FSIP1: variants seen among roughly 807,000 people sequenced by gnomAD.
The protein encoded by FSIP1 is fibrous sheath interacting protein 1.
In FSIP1, 65 loss-of-function variants were observed where a neutral mutation model predicts 60.9. That is an observed-to-expected ratio of 1.07 (90% confidence interval 0.87 to 1.31). FSIP1 has a LOEUF of 1.31. Among genes scored for constraint, FSIP1 ranks in the 40% most tolerant of loss-of-function variants. The pLI is 0.00. For synonymous variants in FSIP1, 209 were observed against 221.2 expected, an observed-to-expected ratio of 0.94 and a Z score of 0.49; for missense variants, 675 against 665.5, an observed-to-expected ratio of 1.01 and a Z score of -0.16.
intron 10 of FSIP1, among the ~76,000 whole-genome samples, chr15:39,698,785 C>G (rs1356312089): frequency 6.6e-6 from 1 of 152,152 alleles, no homozygotes; most frequent in Non-Finnish European, 1.5e-5. Context: ...TCATTCATTC[C>G]CTGAATTCTC....
intron 3 of FSIP1, among the ~76,000 whole-genome samples, chr15:39,766,198 G>C (rs1897682235): frequency 6.6e-6 from 1 of 152,172 alleles, no homozygotes; most frequent in South Asian, 2.1e-4. Flanking sequence ...AAAGCCGTAA[G>C]TCTTCAGTGA....
At chr15:39,611,827 A>G (rs963479395) in intron 11 of FSIP1, among the ~76,000 whole-genome samples, 3 of 152,224 alleles carry the variant, frequency 2.0e-5, no homozygotes, top group Admixed American at 2.0e-4. Flanking sequence ...TGGAAAAGTT[A>G]CTCCATGCAA....
intron 4 of FSIP1, 117 bp from the exon 5 acceptor site, chr15:39,764,031 AT>A (rs199579137): frequency 0.024 from 10,842 of 454,548 alleles, 1 homozygote; most frequent in South Asian, 0.037. Context: ...GTCTCAGGCT[AT>A]TTTTTTTTTT....
At chr15:39,686,067 G>A (rs1030216870) in intron 10 of FSIP1, among the ~76,000 whole-genome samples, 1 of 152,184 alleles carries the variant, frequency 6.6e-6, no homozygotes, top group Admixed American at 6.5e-5. Flanking sequence ...GATAATTTCA[G>A]TGACCACAAA....
chr15:39,770,604 T>G lies in FSIP1; in HGVS notation c.133A>C (p.Thr45Pro). 1 of 1,497,176 alleles carries G rather than the reference T, an allele frequency of 6.7e-7. No individual in the cohort carries two copies. Among genetic ancestry groups the G allele is most frequent in the Non-Finnish European group, 8.9e-7 (1 of 1,123,572 alleles). The allele number at this position is 1,497,176 out of a possible 1,614,324, so 92.7% of individuals were successfully genotyped here. The change falls in exon 3 of 12, where the codon ACT becomes CCT. Residue 45 changes from threonine to proline, a missense_variant. By Grantham distance (38) the Thr-to-Pro change is conservative. Coordinates refer to ENST00000350221, the MANE Select transcript of FSIP1 (RefSeq NM_152597.5). ...STEPGSFKVD[T>P]ASNLNSGKED... ...TTACCAGAGTTCAAGTTGCTTGCAGTATCGACCTAAAAATAATTTCAAAAA... is the reference window on the plus strand; with the variant it reads ...TTACCAGAGTTCAAGTTGCTTGCAGGATCGACCTAAAAATAATTTCAAAAA...
At chr15:39,642,182 T>C (rs987865299) in intron 10 of FSIP1, among the ~76,000 whole-genome samples, 1 of 152,148 alleles carries the variant, frequency 6.6e-6, no homozygotes. Flanking sequence ...CAAAAAAGAA[T>C]GCCATAGGAC....
chr15:39,640,134 A>T (rs1892302144), intron 10 of FSIP1, among the ~76,000 whole-genome samples: 1 of 152,210 alleles, frequency 6.6e-6, no homozygotes, highest in South Asian at 2.1e-4. Flanking sequence ...CACGCTTAGG[A>T]CCCCAAATAA....
chr15:39,699,802 T>A (rs986471482), intron 10 of FSIP1, among the ~76,000 whole-genome samples: 9 of 152,234 alleles, frequency 5.9e-5, no homozygotes, highest in Admixed American at 5.2e-4. Context: ...GAAGCACTGT[T>A]GTTGCTAATA....
intron 10 of FSIP1, among the ~76,000 whole-genome samples, chr15:39,643,274 C>T (rs2140422931): frequency 6.6e-6 from 1 of 152,286 alleles, no homozygotes; most frequent in South Asian, 2.1e-4. Flanking sequence ...GATGAGTAGA[C>T]AAGAATGAAA....
intron 8 of FSIP1, among the ~76,000 whole-genome samples, chr15:39,731,248 G>A (rs915403797): frequency 6.6e-6 from 1 of 151,894 alleles, no homozygotes; most frequent in African/African-American, 2.4e-5. Flanking sequence ...AGAATTCCAG[G>A]TTCTGATTTA....
chr15:39,778,574 C>A (rs553456254), intron 1 of FSIP1, among the ~76,000 whole-genome samples: 1 of 152,144 alleles, frequency 6.6e-6, no homozygotes, highest in South Asian at 2.1e-4. Context: ...ATTGCAACTG[C>A]CACAAAGAAA....
At chr15:39,692,537 T>A (rs1474269600) in intron 10 of FSIP1, among the ~76,000 whole-genome samples, 1 of 152,140 alleles carries the variant, frequency 6.6e-6, no homozygotes, top group Non-Finnish European at 1.5e-5. Flanking sequence ...AACAGTTTAA[T>A]CCCATCACAT....
At chr15:39,753,074 T>C (rs117016914) in intron 5 of FSIP1, among the ~76,000 whole-genome samples, 1,963 of 152,278 alleles carry the variant, frequency 0.013, 19 homozygotes, top group Middle Eastern at 0.02. Context: ...TAAATCTTCA[T>C]GAAGTGGATA....
At chr15:39,612,126 A>G (rs1891058865) in intron 11 of FSIP1, among the ~76,000 whole-genome samples, 1 of 152,212 alleles carries the variant, frequency 6.6e-6, no homozygotes, top group Non-Finnish European at 1.5e-5. Flanking sequence ...TCAATAAGAA[A>G]ACATTGGACT....
intron 9 of FSIP1, among the ~76,000 whole-genome samples, chr15:39,717,811 TC>T (rs1895799839): frequency 6.6e-6 from 1 of 152,198 alleles, no homozygotes; most frequent in African/African-American, 2.4e-5. Flanking sequence ...CTCCATCAGG[TC>T]TTTATAATTC....
intron 5 of FSIP1, among the ~76,000 whole-genome samples, chr15:39,761,109 G>A (rs760885622): frequency 6.6e-6 from 1 of 152,126 alleles, no homozygotes; most frequent in Non-Finnish European, 1.5e-5. Flanking sequence ...GGAAACCCTT[G>A]CAATCTGTTG....
At chr15:39,743,364 A>G (rs1409095938) in intron 5 of FSIP1, among the ~76,000 whole-genome samples, 1 of 152,178 alleles carries the variant, frequency 6.6e-6, no homozygotes, top group African/African-American at 2.4e-5. Flanking sequence ...GGTGCCATCA[A>G]TCGGCTTTGA....
chr15:39,689,878 T>C (rs1028640561), intron 10 of FSIP1, among the ~76,000 whole-genome samples: 2 of 152,250 alleles, frequency 1.3e-5, no homozygotes, highest in African/African-American at 2.4e-5. Flanking sequence ...CTTCTTCTGA[T>C]ACGGCTTTTC....
chr15:39,757,841 C>G (rs955366166), intron 5 of FSIP1, among the ~76,000 whole-genome samples: 3 of 152,126 alleles, frequency 2.0e-5, no homozygotes, highest in African/African-American at 7.2e-5. Context: ...ACATCTGGTT[C>G]ACCTAACAGT....
Sources: allele counts gnomAD v4.1 joint callset (sites outside exome capture counted in the v4.1 genomes callset), GRCh38; gene constraint gnomAD v4.1.1; transcripts MANE v1.5; gene names NCBI Gene and HGNC (gene_info 2026-07-23, HGNC 2026-07-21).